Variants in GALNT13 observed in about 807,000 individuals in gnomAD.
GALNT13 encodes the protein polypeptide N-acetylgalactosaminyltransferase 13, also known as UDP-GalNAc:polypeptide N-acetylgalactosaminyltransferase 13.
GALNT13 carries 28 observed loss-of-function variants against 64.2 expected under a neutral mutation model. The ratio of observed to expected loss-of-function variants is 0.44; its 90% CI spans 0.32 to 0.60. GALNT13 has a LOEUF of 0.60. Ranked by LOEUF, GALNT13 falls within the 20% of genes least tolerant of loss-of-function variation. The pLI is 0.05. For synonymous variants in GALNT13, 214 were observed against 224.6 expected (o/e 0.95, Z 0.42); for missense variants, 577 against 669.8 (o/e 0.86, Z 1.53).
the GALNT13 span, among the ~76,000 whole-genome samples, chr2:153,600,772 C>T: frequency 1.3e-5 from 2 of 151,986 alleles, no homozygotes; most frequent in African/African-American, 4.8e-5. Flanking sequence ...AATTTGGGTA[C>T]TATCTTTGGG....
At chr2:154,422,723 A>G (rs1700307580) in intron 11 of GALNT13, among the ~76,000 whole-genome samples, 1 of 152,292 alleles carries the variant, frequency 6.6e-6, no homozygotes, top group East Asian at 1.9e-4. Flanking sequence ...AGACCGTAAC[A>G]CCAAGGAATG....
chr2:153,435,194 C>T, the GALNT13 span, among the ~76,000 whole-genome samples: 158 of 151,534 alleles, frequency 1.0e-3, 2 homozygotes, highest in Non-Finnish European at 1.0e-4. Context: ...TCTGTATCTG[C>T]TTTGGTACCA....
At chr2:153,641,765 T>C in the GALNT13 span, among the ~76,000 whole-genome samples, 15 of 152,102 alleles carry the variant, frequency 9.9e-5, no homozygotes, top group African/African-American at 3.4e-4. Context: ...GAAAATAAAA[T>C]ATTTTCCTTT....
chr2:154,195,270 G>A (rs1686817032), intron 4 of GALNT13, among the ~76,000 whole-genome samples: 1 of 151,912 alleles, frequency 6.6e-6, no homozygotes, highest in East Asian at 1.9e-4. Flanking sequence ...TGCAGGTTTT[G>A]GCCACTACTC....
intron 9 of GALNT13, among the ~76,000 whole-genome samples, chr2:154,372,886 C>G (rs1412856347): frequency 6.6e-6 from 1 of 151,962 alleles, no homozygotes; most frequent in African/African-American, 2.4e-5. Flanking sequence ...ACTCCATTTA[C>G]TTTTTGCCCT....
chr2:153,990,055 T>C (rs1478337925), intron 3 of GALNT13, among the ~76,000 whole-genome samples: 1 of 152,106 alleles, frequency 6.6e-6, no homozygotes, highest in Admixed American at 6.6e-5. Flanking sequence ...ATAAGTAGCA[T>C]TTATTGGAGG....
At chr2:153,811,916 T>C in the GALNT13 span, among the ~76,000 whole-genome samples, 1 of 152,210 alleles carries the variant, frequency 6.6e-6, no homozygotes, top group Non-Finnish European at 1.5e-5. Flanking sequence ...TCTTTTTAAA[T>C]TGAGATATAA....
chr2:153,586,109 A>T, the GALNT13 span, among the ~76,000 whole-genome samples: 2 of 152,204 alleles, frequency 1.3e-5, no homozygotes, highest in African/African-American at 4.8e-5. Flanking sequence ...ACAGACTTCC[A>T]TAAAACCACA....
At chr2:154,251,990 A>G (rs1048549890) in intron 7 of GALNT13, among the ~76,000 whole-genome samples, 4 of 152,150 alleles carry the variant, frequency 2.6e-5, no homozygotes, top group African/African-American at 7.2e-5. Context: ...TGTAAAAAAA[A>G]CCTTATTTTT....
intron 4 of GALNT13, among the ~76,000 whole-genome samples, chr2:154,149,952 G>A (rs575396409): frequency 2.0e-5 from 3 of 152,036 alleles, no homozygotes; most frequent in South Asian, 2.1e-4. Context: ...TGGCCAGAAC[G>A]TCCAACACTA....
chr2:153,076,113 G>A, the GALNT13 span, among the ~76,000 whole-genome samples: 1 of 151,864 alleles, frequency 6.6e-6, no homozygotes, highest in African/African-American at 2.4e-5. Context: ...GGTATCTTTG[G>A]GGTAGATTTC....
At chr2:154,010,121 AC>A (rs959779826) in intron 3 of GALNT13, among the ~76,000 whole-genome samples, 27 of 152,042 alleles carry the variant, frequency 1.8e-4, no homozygotes, top group Admixed American at 1.6e-3. Flanking sequence ...AGATGGCTTT[AC>A]CTCCTCTTTT....
chr2:153,523,092 A>T, the GALNT13 span, among the ~76,000 whole-genome samples: 1 of 139,028 alleles, frequency 7.2e-6, no homozygotes, highest in Non-Finnish European at 1.5e-5. Context: ...GTTGTTCCAA[A>T]CACCATTTGT....
chr2:154,436,218 A>G (rs771659692), intron 11 of GALNT13: 29 of 152,276 alleles, frequency 1.9e-4, no homozygotes, highest in Admixed American at 4.6e-4. Flanking sequence ...TAGCAGACAT[A>G]TAATTTATAT....
chr2:154,133,576 A>ATATATC, intron 3 of GALNT13, among the ~76,000 whole-genome samples: 1 of 90,252 alleles, frequency 1.1e-5, no homozygotes, highest in South Asian at 3.6e-4. Flanking sequence ...ATATATATAT[A>ATATATC]TATATATATC....
At chr2:154,279,911 A>G (rs1055480703) in intron 8 of GALNT13, among the ~76,000 whole-genome samples, 3 of 152,072 alleles carry the variant, frequency 2.0e-5, no homozygotes, top group Non-Finnish European at 4.4e-5. Flanking sequence ...TAGGTGTTTC[A>G]CATTGGTTCT....
At chr2:153,825,275 A>G in the GALNT13 span, among the ~76,000 whole-genome samples, 1 of 152,184 alleles carries the variant, frequency 6.6e-6, no homozygotes, top group Non-Finnish European at 1.5e-5. Flanking sequence ...CCAAAATGTT[A>G]ATAGTACTGA....
At chr2:154,208,048 T>G (rs929122217) in intron 4 of GALNT13, among the ~76,000 whole-genome samples, 3 of 152,116 alleles carry the variant, frequency 2.0e-5, no homozygotes, top group Non-Finnish European at 4.4e-5. Context: ...TTTAAGCAAC[T>G]AAGAAGGATG....
At chr2:153,330,846 GTCT>G in the GALNT13 span, among the ~76,000 whole-genome samples, 2 of 152,220 alleles carry the variant, frequency 1.3e-5, no homozygotes, top group South Asian at 4.1e-4. Context: ...GGGCATTCTT[GTCT>G]TCTTCCAGTT....
Sources: allele counts gnomAD v4.1 joint callset (sites outside exome capture counted in the v4.1 genomes callset), GRCh38; gene constraint gnomAD v4.1.1; transcripts MANE v1.5; gene names NCBI Gene and HGNC (gene_info 2026-07-23, HGNC 2026-07-21).